CSMD3: variants seen among roughly 807,000 people sequenced by gnomAD.
CSMD3 encodes the protein CUB and sushi domain-containing protein 3.
In CSMD3, 177 loss-of-function variants were observed where a neutral mutation model predicts 435.2. That is an observed-to-expected ratio of 0.41 (90% CI 0.36 to 0.46). CSMD3 has a LOEUF of 0.46. Ranked by LOEUF, CSMD3 falls within the 20% of genes least tolerant of loss-of-function variation. CSMD3 has a pLI of 0.34. For missense variants in CSMD3, 4,265 were observed against 4,504.6 expected, an observed-to-expected ratio of 0.95 and a Z score of 1.52; for synonymous variants, 1,656 against 1,520.5, an observed-to-expected ratio of 1.09 and a Z score of -2.07.
chr8:112,307,370 T>G (rs1821532975), intron 50 of CSMD3, among the ~76,000 whole-genome samples: 1 of 152,066 alleles, frequency 6.6e-6, no homozygotes, highest in African/African-American at 2.4e-5. Context: ...AGCCTCTACC[T>G]CCTGGGCTCA....
At chr8:112,353,768 A>G (rs1826349570) in intron 38 of CSMD3, among the ~76,000 whole-genome samples, 2 of 152,174 alleles carry the variant, frequency 1.3e-5, no homozygotes, top group Non-Finnish European at 2.9e-5. Flanking sequence ...GCTGAATTCT[A>G]CAAAACATAC....
intron 8 of CSMD3, 81 bp from the exon 9 acceptor site, chr8:112,947,958 T>C (rs921567752): frequency 5.9e-6 from 4 of 682,008 alleles, no homozygotes; most frequent in South Asian, 3.3e-5. Flanking sequence ...AAAATATACA[T>C]AAAATGTATT....
chr8:113,028,150 T>C (rs1314479077), intron 5 of CSMD3, among the ~76,000 whole-genome samples: 2 of 152,128 alleles, frequency 1.3e-5, no homozygotes, highest in Admixed American at 1.3e-4. Context: ...ATAATTCTCA[T>C]AACATGTCAA....
At chr8:113,112,816 T>A (rs1040953208) in intron 4 of CSMD3, among the ~76,000 whole-genome samples, 6 of 152,114 alleles carry the variant, frequency 3.9e-5, no homozygotes, top group African/African-American at 1.4e-4. Flanking sequence ...TTGTTTTGTT[T>A]CTGAGCCAAT....
At chr8:112,245,141 T>C (rs962091898) in intron 64 of CSMD3, among the ~76,000 whole-genome samples, 2 of 152,090 alleles carry the variant, frequency 1.3e-5, no homozygotes, top group African/African-American at 4.8e-5. Flanking sequence ...CATATGGAAT[T>C]TTCAGGCCAT....
intron 3 of CSMD3, among the ~76,000 whole-genome samples, chr8:113,200,134 A>C (rs79433883): frequency 6.6e-6 from 1 of 151,872 alleles, no homozygotes; most frequent in Admixed American, 6.6e-5. Flanking sequence ...AATAACCGGC[A>C]GCATTTTACC....
At chr8:112,229,664 C>T (rs570733444) in intron 69 of CSMD3, among the ~76,000 whole-genome samples, 1 of 152,142 alleles carries the variant, frequency 6.6e-6, no homozygotes, top group East Asian at 1.9e-4. Context: ...CCTGAACTCA[C>T]GTGATCCACA....
chr8:112,467,234 T>A (rs1469405718), intron 32 of CSMD3, among the ~76,000 whole-genome samples: 1 of 152,184 alleles, frequency 6.6e-6, no homozygotes, highest in African/African-American at 2.4e-5. Flanking sequence ...GGCAGATTAC[T>A]GGGGCAAATG....
intron 1 of CSMD3, among the ~76,000 whole-genome samples, chr8:113,428,175 A>C (rs1434573265): frequency 1.3e-5 from 2 of 151,544 alleles, no homozygotes; most frequent in East Asian, 3.9e-4. Flanking sequence ...TACAAAACCA[A>C]TTAAGTTATG....
At chr8:112,301,705 A>T in intron 53 of CSMD3, 88 bp downstream of exon 53, 1 of 922,546 alleles carries the variant, frequency 1.1e-6, no homozygotes, top group Non-Finnish European at 1.8e-6. Flanking sequence ...AATATAAATT[A>T]GTATCTCATA....
At chr8:112,835,215 T>G (rs1284235864) in intron 11 of CSMD3, among the ~76,000 whole-genome samples, 2 of 151,854 alleles carry the variant, frequency 1.3e-5, no homozygotes, top group Non-Finnish European at 2.9e-5. Flanking sequence ...AATACATAGG[T>G]TTTTACAGGA....
At chr8:112,325,592 T>C (rs1461910325) in intron 45 of CSMD3, among the ~76,000 whole-genome samples, 4 of 152,104 alleles carry the variant, frequency 2.6e-5, no homozygotes, top group Non-Finnish European at 5.9e-5. Context: ...CAGCATCCAA[T>C]AAATATTTGC....
At chr8:112,258,916 G>A (rs1816093260) in intron 61 of CSMD3, among the ~76,000 whole-genome samples, 1 of 152,098 alleles carries the variant, frequency 6.6e-6, no homozygotes, top group African/African-American at 2.4e-5. Context: ...GCGGGTGCCT[G>A]TAGTCCCAGC....
intron 3 of CSMD3, among the ~76,000 whole-genome samples, chr8:113,182,212 A>C (rs1588219993): frequency 6.6e-6 from 1 of 152,202 alleles, no homozygotes; most frequent in Non-Finnish European, 1.5e-5. Flanking sequence ...TTAAAAAACA[A>C]TTTTAACTAT....
intron 5 of CSMD3, among the ~76,000 whole-genome samples, chr8:113,069,435 C>T (rs374249700): frequency 2.6e-5 from 4 of 152,110 alleles, no homozygotes; most frequent in African/African-American, 9.6e-5. Flanking sequence ...TAAAAATACC[C>T]TATTTATTTT....
At chr8:113,246,928 C>G (rs1050225053) in intron 3 of CSMD3, among the ~76,000 whole-genome samples, 3 of 152,180 alleles carry the variant, frequency 2.0e-5, no homozygotes, top group African/African-American at 7.2e-5. Flanking sequence ...TGCTGGGATA[C>G]ACATGCAATG....
At position 112,304,849 on chromosome 8, in the gene CSMD3, G is replaced by C. The variant is rs1403892591; in HGVS notation, c.8138C>G (p.Ser2713Cys). The C allele has an allele frequency of 6.2e-7, 1 of 1,613,828 alleles. No homozygotes were observed. Among genetic ancestry groups the C allele is most frequent in the East Asian group, 2.2e-5 (1 of 44,836 alleles). Residue 2713 changes from serine (S) to cysteine (C), a missense_variant, in exon 52 of 71, where the codon TCC becomes TGC. Coordinates refer to ENST00000297405, the MANE Select transcript of CSMD3 (RefSeq NM_198123.2). ...EHGRWRIVNG[S>C]HYEYKTKVVF... ...TACTTTGGTTTTGTATTCATAATGG[G>C]AGCCATTCACAATTCGCCATCTTCC...
At chr8:112,382,565 A>G (rs1421662386) in intron 37 of CSMD3, among the ~76,000 whole-genome samples, 1 of 152,164 alleles carries the variant, frequency 6.6e-6, no homozygotes, top group East Asian at 1.9e-4. Context: ...GTAAGTTAAT[A>G]TGTTAGCTAT....
chr8:113,007,400 G>T (rs2086097168), intron 6 of CSMD3, among the ~76,000 whole-genome samples: 1 of 151,854 alleles, frequency 6.6e-6, no homozygotes, highest in Non-Finnish European at 1.5e-5. Flanking sequence ...TAATTAGTGT[G>T]TTTCTAAGAA....
Sources: gnomAD v4.1 joint callset for allele counts (sites outside exome capture counted in the v4.1 genomes callset) on GRCh38, gnomAD v4.1.1 for gene constraint, MANE v1.5 for transcripts, NCBI Gene and HGNC (gene_info 2026-07-23, HGNC 2026-07-21) for gene names.